Variants in SNTG1 observed in about 807,000 individuals in gnomAD.
The protein encoded by SNTG1 is gamma-1-syntrophin.
A neutral mutation model predicts 74.7 loss-of-function variants in SNTG1; 39 were observed. The observed-to-expected ratio is 0.52, with a 90% CI of 0.40 to 0.68. The LOEUF (loss-of-function observed/expected upper bound fraction) is 0.68. Ranked by LOEUF, SNTG1 falls within the 30% of genes least tolerant of loss-of-function variation. The probability of loss-of-function intolerance (pLI) is 0.00; values close to 1 mark genes in which losing one functional copy is unlikely to be tolerated. For missense variants in SNTG1, 685 were observed against 609.5 expected, an observed-to-expected ratio of 1.12 and a Z score of -1.30; for synonymous variants, 254 against 217.1, an observed-to-expected ratio of 1.17 and a Z score of -1.49.
At chr8:50,206,427 A>G (rs1218576872) in intron 2 of SNTG1, among the ~76,000 whole-genome samples, 1 of 152,180 alleles carries the variant, frequency 6.6e-6, no homozygotes, top group Non-Finnish European at 1.5e-5. Context: ...TTGTATCCTG[A>G]GACTGCTGAA....
rs187345463 is a variant in SNTG1, at chr8:50,508,368, C to G, written c.466+5488C>G. On this transcript the variant is annotated intron_variant, in intron 9 of 18. Coordinates refer to ENST00000642720, the MANE Select transcript of SNTG1 (RefSeq NM_018967.5). ...CAAGTCTTTGCTATTGTGAATAGTG[C>G]CACAATAAACATACGTGTGCATGTG... Among the ~76,000 whole-genome samples, 216 of 152,162 alleles carry G rather than the reference C, an allele frequency of 1.4e-3. 1 individual carries two copies. The highest frequency in any genetic ancestry group is 5.0e-3 in the African/African-American group (208 of 41,494).
intron 13 of SNTG1, 40 bp from the exon 14 acceptor site, chr8:50,656,869 A>G (rs774945796): frequency 8.6e-6 from 11 of 1,283,362 alleles, no homozygotes; most frequent in Non-Finnish European, 1.2e-5. Context: ...TATCTAAAAT[A>G]AGAAGTTTTG....
chr8:50,446,889 T>C (rs1282838937), intron 5 of SNTG1, among the ~76,000 whole-genome samples: 1 of 152,230 alleles, frequency 6.6e-6, no homozygotes, highest in Non-Finnish European at 1.5e-5. Flanking sequence ...TATTGAATCT[T>C]ACACTGCATA....
At chr8:50,724,865 T>A (rs1038292578) in intron 17 of SNTG1, among the ~76,000 whole-genome samples, 11 of 152,194 alleles carry the variant, frequency 7.2e-5, no homozygotes, top group African/African-American at 2.7e-4. Context: ...ATAGAGATAG[T>A]TTAATTTGAT....
intron 17 of SNTG1, among the ~76,000 whole-genome samples, chr8:50,724,038 G>T (rs1022881494): frequency 1.3e-5 from 2 of 152,120 alleles, no homozygotes; most frequent in Non-Finnish European, 2.9e-5. Flanking sequence ...GGAAGAGGGA[G>T]CGAGAGAATA....
At chr8:50,783,049 A>G (rs1317659155) in intron 18 of SNTG1, among the ~76,000 whole-genome samples, 1 of 151,956 alleles carries the variant, frequency 6.6e-6, no homozygotes, top group Non-Finnish European at 1.5e-5. Flanking sequence ...CTGCTGTCTG[A>G]TCGTTCCTCT....
chr8:50,187,471 A>G (rs1235334239), intron 2 of SNTG1, among the ~76,000 whole-genome samples: 1 of 152,196 alleles, frequency 6.6e-6, no homozygotes, highest in Non-Finnish European at 1.5e-5. Flanking sequence ...CATACGCAGA[A>G]AGCTGAAACA....
intron 8 of SNTG1, 140 bp downstream of exon 8, chr8:50,450,869 AAT>A: frequency 6.3e-6 from 4 of 639,406 alleles, no homozygotes; most frequent in South Asian, 2.3e-5. Context: ...ATGTTCTCTT[AAT>A]TTTTTTTTAA....
At chr8:50,179,576 C>T (rs754517736) in intron 2 of SNTG1, among the ~76,000 whole-genome samples, 17 of 151,918 alleles carry the variant, frequency 1.1e-4, no homozygotes, top group Non-Finnish European at 2.1e-4. Context: ...TAAGCAGTTC[C>T]CACAACTTGA....
At chr8:50,481,159 G>T (rs994210387) in intron 8 of SNTG1, among the ~76,000 whole-genome samples, 2 of 152,176 alleles carry the variant, frequency 1.3e-5, no homozygotes, top group Admixed American at 6.5e-5. Flanking sequence ...GAGGCGGGTG[G>T]ATCATGAGGT....
chr8:50,494,502 C>G (rs970401439), intron 8 of SNTG1, among the ~76,000 whole-genome samples: 5 of 151,906 alleles, frequency 3.3e-5, no homozygotes, highest in African/African-American at 1.2e-4. Context: ...AGTTTTATCA[C>G]TCTGTTCCTG....
chr8:50,101,301 T>C lies in SNTG1; in HGVS notation c.-102-71260T>C, dbSNP rs116272360. ...ATTCCTTTGAGTATATAGTCAGTAA[T>C]AGGATTGTTGGGTGAAATGGTAGTC... On this transcript the variant is annotated intron_variant, in intron 1 of 18. Transcript: ENST00000642720. Among the ~76,000 whole-genome samples the C allele has an allele frequency of 4.6e-3, 705 of 152,194 alleles. 5 individuals carry two copies. Among genetic ancestry groups the C allele is most frequent in the African/African-American group, 0.016 (664 of 41,552 alleles).
chr8:50,174,270 C>A (rs2082914148), intron 2 of SNTG1, among the ~76,000 whole-genome samples: 1 of 152,214 alleles, frequency 6.6e-6, no homozygotes. Context: ...CAAGTCTTTG[C>A]TATTGTGAAT....
At chr8:50,175,404 T>C (rs1226071131) in intron 2 of SNTG1, among the ~76,000 whole-genome samples, 1 of 152,190 alleles carries the variant, frequency 6.6e-6, no homozygotes, top group East Asian at 1.9e-4. Context: ...ATTTCTCCTG[T>C]GATTCCTTGG....
chr8:50,459,686 T>A (rs2093542344), intron 8 of SNTG1, among the ~76,000 whole-genome samples: 1 of 152,142 alleles, frequency 6.6e-6, no homozygotes, highest in Non-Finnish European at 1.5e-5. Flanking sequence ...CCTTCCCTCC[T>A]GCCTCAGTGT....
In SNTG1 at chr8:50,088,592, G is replaced by A. The variant is rs1311507025; in HGVS notation, c.-102-83969G>A. On this transcript the variant is annotated intron_variant, in intron 1 of 18. Coordinates refer to ENST00000642720, the MANE Select transcript of SNTG1 (RefSeq NM_018967.5). ...CAAAATCAATGCACAAAAATCACAAGCATTCTTATACACCAACAACAGAGA... is the reference window on the plus strand; with the variant it reads ...CAAAATCAATGCACAAAAATCACAAACATTCTTATACACCAACAACAGAGA... 1.5e-5 allele frequency among the ~76,000 whole-genome samples: 2 copies of A among 130,126 alleles called. 1 individual carries two copies. Among genetic ancestry groups the A allele is most frequent in the Non-Finnish European group, 3.5e-5 (2 of 57,262 alleles). 85.4% of individuals were successfully genotyped at this position (130,126 alleles called of 152,430 possible). A position where few individuals can be genotyped will look rare whatever the true frequency, so the allele number is the denominator to read the frequency against.
chr8:50,472,951 G>T (rs2093665092), intron 8 of SNTG1, among the ~76,000 whole-genome samples: 1 of 152,104 alleles, frequency 6.6e-6, no homozygotes, highest in African/African-American at 2.4e-5. Context: ...CTAATCGTTA[G>T]GGAAATTCAA....
At chr8:50,725,432 A>T (rs1291198242) in intron 17 of SNTG1, among the ~76,000 whole-genome samples, 1 of 152,176 alleles carries the variant, frequency 6.6e-6, no homozygotes, top group Non-Finnish European at 1.5e-5. Flanking sequence ...TAAGATAAGT[A>T]TATATAGTTC....
At chr8:50,424,612 A>G (rs771784120) in intron 4 of SNTG1, among the ~76,000 whole-genome samples, 6 of 152,218 alleles carry the variant, frequency 3.9e-5, no homozygotes, top group Non-Finnish European at 5.9e-5. Flanking sequence ...GTAGCACACA[A>G]CAAACTTAAT....
Sources: gnomAD v4.1 joint callset for allele counts (sites outside exome capture counted in the v4.1 genomes callset) on GRCh38, gnomAD v4.1.1 for gene constraint, MANE v1.5 for transcripts, NCBI Gene and HGNC (gene_info 2026-07-23, HGNC 2026-07-21) for gene names.